PUF60: variants seen among roughly 807,000 people sequenced by gnomAD.
PUF60 encodes poly(U)-binding-splicing factor PUF60.
Under a neutral mutation model 61.8 loss-of-function variants are expected in PUF60, and 10 were observed. The observed-to-expected ratio is 0.16, with a 90% confidence interval of 0.10 to 0.27. The LOEUF (loss-of-function observed/expected upper bound fraction) is 0.27, where lower values mean the gene tolerates loss of function less well. Ranked by LOEUF, PUF60 falls within the 10% of genes least tolerant of loss-of-function variation. The probability of loss-of-function intolerance (pLI) is 1.00; values close to 1 mark genes in which losing one functional copy is unlikely to be tolerated. For missense variants in PUF60, 371 were observed against 754.0 expected, an observed-to-expected ratio of 0.49 and a Z score of 5.95; for synonymous variants, 353 against 300.9, an observed-to-expected ratio of 1.17 and a Z score of -1.79.
intron 5 of PUF60, among the ~76,000 whole-genome samples, chr8:143,820,021 ACCTGG>A (rs1168251527): frequency 6.6e-6 from 1 of 152,088 alleles, no homozygotes; most frequent in Non-Finnish European, 1.5e-5. Context: ...CCGAGATGGG[ACCTGG>A]CCTCCTCCTG....
chr8:143,820,806 G>A (rs1816918726), intron 4 of PUF60, 90 bp from the exon 5 acceptor site: 6 of 1,290,702 alleles, frequency 4.6e-6, no homozygotes, highest in African/African-American at 2.9e-5. Context: ...GGCAAGGCCC[G>A]GAGTCCCCGC....
Position 143,829,312 on chromosome 8 carries a change from C to G in PUF60, c.-9G>C. On this transcript the variant is annotated 5_prime_UTR_variant, in exon 1 of 12. Transcript: ENST00000526683. ...ATGGTCGCCGTCGCCATCTTGCGTC[C>G]GTCGCGGCCTCCGCGCGCGCCTCCC... The G allele has an allele frequency of 5.6e-6, 7 of 1,259,590 alleles. No individual in the cohort carries two copies. Among genetic ancestry groups the G allele is most frequent in the Non-Finnish European group, 7.0e-6 (7 of 996,558 alleles). 78.0% of individuals were successfully genotyped at this position (1,259,590 alleles called of 1,614,324 possible). A position where few individuals can be genotyped will look rare whatever the true frequency, so the allele number is the denominator to read the frequency against.
At chr8:143,824,655 G>A in intron 1 of PUF60, 1 of 543,930 alleles carries the variant, frequency 1.8e-6, no homozygotes, top group East Asian at 3.1e-5. Context: ...ATGGGGAGGA[G>A]GGTAGAGAGA....
At chr8:143,821,792 C>T in intron 3 of PUF60, 26 bp downstream of exon 3, 1 of 1,600,916 alleles carries the variant, frequency 6.2e-7, no homozygotes, top group Non-Finnish European at 8.5e-7. Context: ...CCCACACCTG[C>T]AGTGCCCTGG....
chr8:143,827,895 A>C (rs4076357), intron 1 of PUF60, among the ~76,000 whole-genome samples: 2 of 152,168 alleles, frequency 1.3e-5, no homozygotes. Flanking sequence ...TGCGGGTGCT[A>C]GGGGAGTCAG....
chr8:143,827,725 A>G (rs932972665), intron 1 of PUF60, among the ~76,000 whole-genome samples: 8 of 152,130 alleles, frequency 5.3e-5, no homozygotes, highest in Non-Finnish European at 8.8e-5. Context: ...CACGTATTAA[A>G]CCCAACAGAA....
At position 143,816,973 on chromosome 8, in the gene PUF60, G is replaced by A; in HGVS notation, c.1317C>T (p.His439=). ...ERPEMLSEQE[H]MSISGSSARH... ...GGGCGCTACTGCCCGAGATGCTCAT[G>A]TGCTCCTGCTCGCTCAGCATCTCTG... Residue 439 remains histidine, a synonymous_variant, in exon 11 of 12, where the codon CAC becomes CAT. Transcript: ENST00000526683. 1 of 1,603,112 alleles carries A rather than the reference G, an allele frequency of 6.2e-7. No individual in the cohort carries two copies.
At position 143,818,553 on chromosome 8, in the gene PUF60, G is replaced by A. The variant is rs745797494; in HGVS notation, c.349-19C>T. ...CCGCCATCTGCAGCAGGACAGAGGG[G>A]AGAGAACCGCTGGCTCGTCAGGGGC... On this transcript the variant is annotated intron_variant, in intron 5 of 11. Coordinates refer to ENST00000526683, the MANE Select transcript of PUF60 (RefSeq NM_078480.3). The surrounding 1 kb of genome is among the most constrained non-coding windows in gnomAD (Gnocchi z 7.9). The A allele has an allele frequency of 1.9e-6, 3 of 1,563,986 alleles. No homozygotes were observed. The highest frequency in any genetic ancestry group is 2.6e-6 in the Non-Finnish European group (3 of 1,153,596).
intron 4 of PUF60, chr8:143,821,352 G>A: frequency 1.7e-6 from 1 of 596,518 alleles, no homozygotes; most frequent in Non-Finnish European, 3.0e-6. Context: ...AAAGGGTAGA[G>A]CTGCAGCCAA....
intron 4 of PUF60, 95 bp downstream of exon 4, chr8:143,821,502 G>A (rs935681855): frequency 3.5e-5 from 40 of 1,154,244 alleles, no homozygotes; most frequent in Admixed American, 4.0e-5. Context: ...AACAGCTTGC[G>A]GGGACGGCCG....
chr8:143,828,362 T>G (rs1031765891), intron 1 of PUF60, among the ~76,000 whole-genome samples: 1 of 152,216 alleles, frequency 6.6e-6, no homozygotes, highest in East Asian at 1.9e-4. Flanking sequence ...TGACAAGTAA[T>G]ACAGGGGTAA....
intron 5 of PUF60, among the ~76,000 whole-genome samples, chr8:143,819,275 G>C (rs1816742348): frequency 1.3e-5 from 2 of 152,158 alleles, no homozygotes; most frequent in South Asian, 4.1e-4. Flanking sequence ...TAGAGCTGGT[G>C]ACAGGCCTGG....
intron 5 of PUF60, chr8:143,820,294 C>T (rs1372710370): frequency 9.9e-6 from 3 of 301,882 alleles, no homozygotes; most frequent in Non-Finnish European, 1.9e-5. Flanking sequence ...GGGCCTGACC[C>T]CAACCCAAGA....
rs1816339210 is a variant in PUF60 at position 143,816,745 on chromosome 8, C to T, written c.1455G>A (p.Glu485=). Residue 485 remains glutamate, a synonymous_variant, in exon 12 of 12, where the codon GAG becomes GAA. Coordinates refer to ENST00000526683, the MANE Select transcript of PUF60 (RefSeq NM_078480.3). ...IDDDLEGEVT[E]ECGKFGAVNR... ...TCACGGCCCCGAACTTGCCACACTC[C>T]TCTGTCACCTCCCCTTCCAGGTCAT... 7 of 1,613,808 alleles carry T rather than the reference C, an allele frequency of 4.3e-6. No homozygotes were observed. Among genetic ancestry groups the T allele is most frequent in the Non-Finnish European group, 5.9e-6 (7 of 1,179,880 alleles).
chr8:143,817,568 G>C lies in PUF60; in HGVS notation c.1008+24C>G, dbSNP rs955140346. Reference sequence around the variant, plus strand: ...CAGGGGCCAGCCCGCCCACCCTCAAGCCGACAGCTGTGTGGGCCCTCACCT... The same window carrying C: ...CAGGGGCCAGCCCGCCCACCCTCAACCCGACAGCTGTGTGGGCCCTCACCT... On this transcript the variant is annotated intron_variant, in intron 9 of 11. Transcript: ENST00000526683. The surrounding 1 kb of genome is among the most constrained non-coding windows in gnomAD (Gnocchi z 7.4). 9.3e-6 allele frequency: 15 copies of C among 1,609,798 alleles called. No homozygotes were observed. Among genetic ancestry groups the C allele is most frequent in the African/African-American group, 2.7e-5 (2 of 74,882 alleles).
At chr8:143,823,873 G>A (rs1164283645) in intron 2 of PUF60, among the ~76,000 whole-genome samples, 2 of 152,270 alleles carry the variant, frequency 1.3e-5, no homozygotes, top group South Asian at 2.1e-4. Context: ...TTTGACTTGC[G>A]CATTGCTTCA....
chr8:143,819,499 T>C (rs1011350392), intron 5 of PUF60, among the ~76,000 whole-genome samples: 2 of 152,166 alleles, frequency 1.3e-5, no homozygotes, highest in Non-Finnish European at 2.9e-5. Context: ...AAAGGCCTTG[T>C]GGCCAGAGAC....
intron 1 of PUF60, among the ~76,000 whole-genome samples, chr8:143,826,552 T>A (rs1335847142): frequency 4.6e-5 from 7 of 151,904 alleles, no homozygotes; most frequent in African/African-American, 1.7e-4. Context: ...CCATCTCTAC[T>A]AAAAATACAA....
intron 2 of PUF60, chr8:143,822,750 C>T (rs986255797): frequency 3.4e-5 from 12 of 357,626 alleles, no homozygotes; most frequent in East Asian, 2.3e-4. Context: ...GAGGGAAGAA[C>T]GCAGCTGTGT....
Sources: allele counts gnomAD v4.1 joint callset (sites outside exome capture counted in the v4.1 genomes callset), GRCh38; gene constraint gnomAD v4.1.1; non-coding constraint Gnocchi (gnomAD v3.1); transcripts MANE v1.5; gene names NCBI Gene and HGNC (gene_info 2026-07-23, HGNC 2026-07-21).